SLC4A10: variants seen among roughly 807,000 people sequenced by gnomAD.
SLC4A10 encodes the protein solute carrier family 4 member 10, also known as sodium-driven chloride bicarbonate exchanger.
A neutral mutation model predicts 137.7 loss-of-function variants in SLC4A10; 42 were observed. The ratio of observed to expected loss-of-function variants is 0.30; its 90% CI spans 0.24 to 0.39. The LOEUF is 0.39. Ranked by LOEUF, SLC4A10 falls within the 10% of genes least tolerant of loss-of-function variation. SLC4A10 has a pLI of 1.00. For synonymous variants in SLC4A10, 474 were observed against 464.1 expected (o/e 1.02, Z -0.27); for missense variants, 925 against 1,355.0 (o/e 0.68, Z 4.98).
At chr2:161,761,432 A>C (rs2050243818) in intron 1 of SLC4A10, among the ~76,000 whole-genome samples, 1 of 151,952 alleles carries the variant, frequency 6.6e-6, no homozygotes, top group Non-Finnish European at 1.5e-5. Context: ...CATGGACAGG[A>C]ATATCCTGTC....
intron 1 of SLC4A10, among the ~76,000 whole-genome samples, chr2:161,735,028 G>T (rs868476615): frequency 6.6e-6 from 1 of 151,200 alleles, no homozygotes; most frequent in Admixed American, 6.6e-5. Flanking sequence ...CTGCCTGATT[G>T]TAAGTTTTCT....
intron 1 of SLC4A10, among the ~76,000 whole-genome samples, chr2:161,705,386 A>G (rs2043547070): frequency 6.6e-6 from 1 of 151,548 alleles, no homozygotes; most frequent in Admixed American, 6.6e-5. Context: ...TTAGAGATGA[A>G]AAGCAAGAGC....
At chr2:161,887,640 C>T (rs1457335457) in intron 10 of SLC4A10, among the ~76,000 whole-genome samples, 2 of 152,152 alleles carry the variant, frequency 1.3e-5, no homozygotes, top group African/African-American at 4.8e-5. Flanking sequence ...CCTTTACCCA[C>T]TTTTTGCTGG....
intron 12 of SLC4A10, among the ~76,000 whole-genome samples, chr2:161,902,489 A>G (rs1471355606): frequency 1.3e-5 from 2 of 152,082 alleles, no homozygotes; most frequent in African/African-American, 2.4e-5. Flanking sequence ...AAAAGTGCAT[A>G]TGTTTTACCA....
At chr2:161,899,134 G>T (rs1043080337) in intron 11 of SLC4A10, among the ~76,000 whole-genome samples, 1 of 151,992 alleles carries the variant, frequency 6.6e-6, no homozygotes, top group African/African-American at 2.4e-5. Flanking sequence ...TTCTACTTGT[G>T]CACTAGAAAG....
chr2:161,894,417 C>G (rs1417888199), intron 10 of SLC4A10, among the ~76,000 whole-genome samples: 1 of 151,908 alleles, frequency 6.6e-6, no homozygotes, highest in African/African-American at 2.4e-5. Flanking sequence ...AATGAGCTTC[C>G]TTTCATCCTC....
intron 15 of SLC4A10, among the ~76,000 whole-genome samples, chr2:161,927,731 T>C (rs1319554853): frequency 1.3e-5 from 2 of 151,274 alleles, no homozygotes; most frequent in Non-Finnish European, 2.9e-5. Context: ...AGACACTTCT[T>C]AAAAGAAGAC....
chr2:161,948,862 T>A (rs956268486), intron 17 of SLC4A10, among the ~76,000 whole-genome samples: 1 of 152,100 alleles, frequency 6.6e-6, no homozygotes, highest in Admixed American at 6.6e-5. Context: ...GGGTTCATCA[T>A]AAAGTTAGAT....
At chr2:161,755,273 T>C (rs1473853905) in intron 1 of SLC4A10, among the ~76,000 whole-genome samples, 2 of 152,234 alleles carry the variant, frequency 1.3e-5, no homozygotes, top group Non-Finnish European at 2.9e-5. Flanking sequence ...AAAAAGCTTA[T>C]ATTCATATCA....
chr2:161,960,721 A>G (rs997554232), intron 21 of SLC4A10, among the ~76,000 whole-genome samples: 2 of 149,622 alleles, frequency 1.3e-5, no homozygotes, highest in African/African-American at 2.5e-5. Flanking sequence ...CTCTGTCTCA[A>G]AAAAAAAGAA....
At chr2:161,728,586 A>G (rs1234616916) in intron 1 of SLC4A10, among the ~76,000 whole-genome samples, 2 of 152,146 alleles carry the variant, frequency 1.3e-5, no homozygotes, top group African/African-American at 2.4e-5. Context: ...GGAAAAAAAA[A>G]AATTCTAGCC....
At chr2:161,654,320 T>A (rs1214602459) in intron 1 of SLC4A10, among the ~76,000 whole-genome samples, 1 of 152,208 alleles carries the variant, frequency 6.6e-6, no homozygotes. Context: ...TTTCTCCCTT[T>A]GTGTAGGTTG....
chr2:161,921,843 G>A (rs1380252818), intron 15 of SLC4A10, among the ~76,000 whole-genome samples: 1 of 152,142 alleles, frequency 6.6e-6, no homozygotes, highest in Non-Finnish European at 1.5e-5. Flanking sequence ...GCAAATGATT[G>A]CGATGATTAT....
At chr2:161,628,326 T>C (rs1018663296) in intron 1 of SLC4A10, among the ~76,000 whole-genome samples, 30 of 152,030 alleles carry the variant, frequency 2.0e-4, no homozygotes, top group Admixed American at 1.3e-4. Flanking sequence ...AGGACTTAAG[T>C]TGAGCTTACT....
chr2:161,753,795 T>A (rs2049260000), intron 1 of SLC4A10, among the ~76,000 whole-genome samples: 1 of 152,076 alleles, frequency 6.6e-6, no homozygotes, highest in Non-Finnish European at 1.5e-5. Context: ...AAAGCAGCCC[T>A]TTCATGAAAC....
chr2:161,625,710 C>G (rs746291261), intron 1 of SLC4A10, among the ~76,000 whole-genome samples: 4 of 152,004 alleles, frequency 2.6e-5, no homozygotes, highest in Non-Finnish European at 5.9e-5. Flanking sequence ...GGCTCACATG[C>G]TGCAAAAAGA....
chr2:161,873,762 T>C (rs896731264), intron 7 of SLC4A10, 154 bp from the exon 8 acceptor site: 1 of 652,696 alleles, frequency 1.5e-6, no homozygotes, highest in Non-Finnish European at 2.5e-6. Context: ...CTGAAAAGAT[T>C]AATAGTGATC....
intron 1 of SLC4A10, among the ~76,000 whole-genome samples, chr2:161,664,601 A>G (rs772380224): frequency 1.3e-5 from 2 of 151,856 alleles, no homozygotes; most frequent in African/African-American, 4.8e-5. Context: ...GACTTTTCCC[A>G]TAATATTGCT....
chr2:161,905,971 C>T (rs1351077471), intron 15 of SLC4A10, 84 bp downstream of exon 15: 2 of 1,475,954 alleles, frequency 1.4e-6, no homozygotes, highest in Non-Finnish European at 1.8e-6. Context: ...GGAAATTACT[C>T]AGCAGAGAAT....
Sources: allele counts gnomAD v4.1 joint callset (sites outside exome capture counted in the v4.1 genomes callset), GRCh38; gene constraint gnomAD v4.1.1; transcripts MANE v1.5; gene names NCBI Gene and HGNC (gene_info 2026-07-23, HGNC 2026-07-21).